ZNF736: variants seen among roughly 807,000 people sequenced by gnomAD.
ZNF736 encodes zinc finger protein 736.
A neutral mutation model predicts 11.7 loss-of-function variants in ZNF736; 6 were observed. The observed-to-expected ratio is 0.51, with a 90% CI of 0.28 to 1.01. The LOEUF (loss-of-function observed/expected upper bound fraction) is 1.01, where lower values mean the gene tolerates loss of function less well. Ranked by LOEUF, ZNF736 falls within the 50% of genes least tolerant of loss-of-function variation. The pLI, the probability that ZNF736 is intolerant of heterozygous loss-of-function variation, is 0.09. For missense variants in ZNF736, 444 were observed against 496.0 expected, an observed-to-expected ratio of 0.90 and a Z score of 1.00; for synonymous variants, 139 against 164.7, an observed-to-expected ratio of 0.84 and a Z score of 1.19.
At position 64,339,265 on chromosome 7, in the gene ZNF736, T is replaced by C. The variant is rs555597004; in HGVS notation, c.226+2283T>C. On this transcript the variant is annotated intron_variant, in intron 3 of 3. Transcript: ENST00000423484. ...TATGGTTTTCTTATTCTATTTTTTCTTGGTTCTACAGAAGTGTTTTAGTTT... is the reference window on the plus strand; with the variant it reads ...TATGGTTTTCTTATTCTATTTTTTCCTGGTTCTACAGAAGTGTTTTAGTTT... 4.5e-3 allele frequency among the ~76,000 whole-genome samples: 689 copies of C among 152,298 alleles called. 3 individuals are homozygous for C. The highest frequency in any genetic ancestry group is 0.015 in the African/African-American group (632 of 41,586).
At chr7:64,330,693 G>A (rs1457617849) in intron 1 of ZNF736, among the ~76,000 whole-genome samples, 1 of 152,154 alleles carries the variant, frequency 6.6e-6, no homozygotes, top group African/African-American at 2.4e-5. Context: ...CCGAAGGGCT[G>A]CAGCAAGTTA....
At chr7:64,315,544 G>GTTT (rs1347835374) in intron 1 of ZNF736, among the ~76,000 whole-genome samples, 3 of 152,112 alleles carry the variant, frequency 2.0e-5, no homozygotes, top group Non-Finnish European at 4.4e-5. Context: ...TGTTGTTGTT[G>GTTT]TTTCTCAAAG....
chr7:64,314,755 G>A (rs190665297), intron 1 of ZNF736, among the ~76,000 whole-genome samples: 1 of 152,240 alleles, frequency 6.6e-6, no homozygotes, highest in African/African-American at 2.4e-5. Context: ...TGTAGAGACA[G>A]GCTTTTGCCA....
chr7:64,335,694 G>A (rs1789239084), intron 1 of ZNF736, among the ~76,000 whole-genome samples: 1 of 152,160 alleles, frequency 6.6e-6, no homozygotes, highest in South Asian at 2.1e-4. Context: ...TATGGAAAAT[G>A]AAGGCTCTCG....
chr7:64,321,767 C>T (rs913536710), intron 1 of ZNF736, among the ~76,000 whole-genome samples: 2 of 152,050 alleles, frequency 1.3e-5, no homozygotes, highest in African/African-American at 4.8e-5. Flanking sequence ...TGGGGGTGTC[C>T]CTCTGAATCC....
rs1165930769 is a variant in ZNF736 at position 64,348,070 on chromosome 7, A to C, written c.227-20A>C. 6.8e-7 allele frequency: 1 copy of C among 1,469,906 alleles called. No homozygotes were observed. Among genetic ancestry groups the C allele is most frequent in the South Asian group, 1.4e-5 (1 of 69,154 alleles). 91.1% of individuals were successfully genotyped at this position (1,469,906 alleles called of 1,614,324 possible). On this transcript the variant is annotated intron_variant, in intron 3 of 3. Transcript: ENST00000423484. The stretch of plus-strand genomic sequence containing the variant: ...ATTCACCTGAGTCTAATGAGGGAGA[A>C]TTTTATTTTTTTTCTCCAGCTGGTT...
Position 64,336,352 on chromosome 7 carries a change from A to G in ZNF736, c.97A>G (p.Met33Val). The G allele has an allele frequency of 6.2e-7, 1 of 1,613,790 alleles. No individual in the cohort carries two copies. Among genetic ancestry groups the G allele is most frequent in the African/African-American group, 1.3e-5 (1 of 75,046 alleles). ...TCAGCAGCGTTTGTATAGGGATGTG[A>G]TGTTAGAGAACTATGGAAACCTGGT... ...SAQQRLYRDV[M>V]LENYGNLVSL... Residue 33 changes from methionine (M) to valine (V), a missense_variant, in exon 2 of 4, where the codon ATG becomes GTG. Coordinates refer to ENST00000423484, the MANE Select transcript of ZNF736 (RefSeq NM_001170905.3).
chr7:64,336,685 T>C (rs1209262178), intron 2 of ZNF736, among the ~76,000 whole-genome samples: 1 of 152,214 alleles, frequency 6.6e-6, no homozygotes, highest in Non-Finnish European at 1.5e-5. Flanking sequence ...TGATTTTTGA[T>C]TCAGTATTAC....
intron 3 of ZNF736, among the ~76,000 whole-genome samples, chr7:64,339,257 A>G (rs1172772390): frequency 3.3e-5 from 5 of 151,576 alleles, no homozygotes; most frequent in Non-Finnish European, 2.9e-5. Flanking sequence ...TTCTTATTCT[A>G]TTTTTTCTTG....
At chr7:64,330,399 C>T (rs1318194542) in intron 1 of ZNF736, among the ~76,000 whole-genome samples, 3 of 151,934 alleles carry the variant, frequency 2.0e-5, no homozygotes, top group East Asian at 1.9e-4. Context: ...CCTCGTGATC[C>T]GACCGCCTTG....
At chr7:64,326,509 C>T (rs1201933379) in intron 1 of ZNF736, among the ~76,000 whole-genome samples, 1 of 152,088 alleles carries the variant, frequency 6.6e-6, no homozygotes. Context: ...TTTATCTTTT[C>T]AAAAAACTAA....
chr7:64,354,716 G>T lies in ZNF736; in HGVS notation c.*5569G>T, dbSNP rs1268192272. On this transcript the variant is annotated 3_prime_UTR_variant, in exon 4 of 4. Coordinates refer to ENST00000423484, the MANE Select transcript of ZNF736 (RefSeq NM_001170905.3). ...TCACGTGAGTAATTTCACAGTGCGTGTATTGTATGTTATTTAGTGTATTTT... is the reference window on the plus strand; with the variant it reads ...TCACGTGAGTAATTTCACAGTGCGTTTATTGTATGTTATTTAGTGTATTTT... The T allele has an allele frequency of 6.6e-6, 1 of 152,142 alleles. No homozygotes were observed. Among genetic ancestry groups the T allele is most frequent in the Admixed American group, 6.5e-5 (1 of 15,282 alleles). 9.4% of individuals were successfully genotyped at this position (152,142 alleles called of 1,614,324 possible).
At chr7:64,340,494 A>T (rs769713310) in intron 3 of ZNF736, among the ~76,000 whole-genome samples, 1 of 152,170 alleles carries the variant, frequency 6.6e-6, no homozygotes, top group Non-Finnish European at 1.5e-5. Context: ...CTATATGAGG[A>T]CCTGCCTTTT....
intron 1 of ZNF736, among the ~76,000 whole-genome samples, chr7:64,332,136 TGTCTCAG>T (rs761332717): frequency 6.6e-5 from 10 of 152,212 alleles, no homozygotes; most frequent in African/African-American, 1.4e-4. Context: ...GAGGTGAATG[TGTCTCAG>T]GTCAGAGACT....
At chr7:64,314,175 C>T in intron 1 of ZNF736, 22 bp downstream of exon 1, 2 of 1,551,692 alleles carry the variant, frequency 1.3e-6, no homozygotes, top group South Asian at 2.4e-5. Flanking sequence ...GAGTGGGTGT[C>T]CCGAGAATGG....
At chr7:64,340,793 C>G (rs1219702418) in intron 3 of ZNF736, among the ~76,000 whole-genome samples, 1 of 152,078 alleles carries the variant, frequency 6.6e-6, no homozygotes, top group African/African-American at 2.4e-5. Context: ...GTTAGAAAGT[C>G]TTTATTGTTG....
At chr7:64,316,657 TCA>T (rs1288132991) in intron 1 of ZNF736, among the ~76,000 whole-genome samples, 4 of 152,218 alleles carry the variant, frequency 2.6e-5, no homozygotes, top group African/African-American at 9.6e-5. Flanking sequence ...CCTGTGTTTG[TCA>T]CCTTCAATAT....
intron 1 of ZNF736, among the ~76,000 whole-genome samples, chr7:64,321,413 G>A (rs1562667410): frequency 6.6e-6 from 1 of 152,140 alleles, no homozygotes. Flanking sequence ...AAACAGCTGT[G>A]TTTTTTAAAG....
chr7:64,339,973 G>C (rs1044702070), intron 3 of ZNF736, among the ~76,000 whole-genome samples: 1 of 152,136 alleles, frequency 6.6e-6, no homozygotes, highest in African/African-American at 2.4e-5. Context: ...TGGGTCACAT[G>C]GCTGTTTCTT....
Sources: allele counts gnomAD v4.1 joint callset (sites outside exome capture counted in the v4.1 genomes callset), GRCh38; gene constraint gnomAD v4.1.1; transcripts MANE v1.5; gene names NCBI Gene and HGNC (gene_info 2026-07-23, HGNC 2026-07-21).